MYPN: variants seen among roughly 807,000 people sequenced by gnomAD.
MYPN encodes sarcomeric protein myopalladin, 145 kDa (MYOP).
Under a neutral mutation model 129.4 loss-of-function variants are expected in MYPN, and 63 were observed. The ratio of observed to expected loss-of-function variants is 0.49; its 90% CI spans 0.40 to 0.60. The LOEUF (loss-of-function observed/expected upper bound fraction) is 0.60. Among genes scored for constraint, MYPN ranks in the 20% least tolerant of loss-of-function variants. The pLI, the probability that MYPN is intolerant of heterozygous loss-of-function variation, is 0.00. For missense variants in MYPN, 1,596 were observed against 1,635.4 expected (o/e 0.98, Z 0.42); for synonymous variants, 629 against 600.9 (o/e 1.05, Z -0.68).
At chr10:68,150,480 A>G (rs2042750789) in intron 6 of MYPN, among the ~76,000 whole-genome samples, 1 of 152,158 alleles carries the variant, frequency 6.6e-6, no homozygotes. Context: ...GCTCAAGGAG[A>G]TGGAGTTAAA....
chr10:68,190,211 A>G (rs1025179180), intron 13 of MYPN, among the ~76,000 whole-genome samples: 2 of 151,944 alleles, frequency 1.3e-5, no homozygotes, highest in African/African-American at 4.8e-5. Context: ...GTGTGAGACA[A>G]AGTCTCACTC....
At chr10:68,128,461 C>T (rs1453366051) in intron 2 of MYPN, among the ~76,000 whole-genome samples, 2 of 152,118 alleles carry the variant, frequency 1.3e-5, no homozygotes, top group African/African-American at 4.8e-5. Flanking sequence ...TATTTAGAGG[C>T]TTTTTCTTTC....
At chr10:68,180,227 G>A (rs997031963) in intron 12 of MYPN, among the ~76,000 whole-genome samples, 2 of 152,190 alleles carry the variant, frequency 1.3e-5, no homozygotes, top group African/African-American at 4.8e-5. Context: ...CACCCAGGCT[G>A]GAGTGCAGAA....
intron 1 of MYPN, among the ~76,000 whole-genome samples, chr10:68,119,725 A>G (rs1020844800): frequency 1.3e-5 from 2 of 152,128 alleles, no homozygotes; most frequent in African/African-American, 4.8e-5. Context: ...TTTGCATTTT[A>G]AATTAATCTT....
chr10:68,182,370 T>A (rs980673209), intron 12 of MYPN, among the ~76,000 whole-genome samples: 6 of 119,588 alleles, frequency 5.0e-5, no homozygotes, highest in African/African-American at 1.8e-4. Context: ...CACATATATA[T>A]AACATATATA....
chr10:68,137,100 T>C (rs1564655788), intron 2 of MYPN, among the ~76,000 whole-genome samples: 1 of 152,128 alleles, frequency 6.6e-6, no homozygotes, highest in Admixed American at 6.6e-5. Flanking sequence ...CATTTTTAAG[T>C]AGTAATAATA....
At chr10:68,148,257 A>G (rs746397046) in intron 4 of MYPN, 96 bp from the exon 5 acceptor site, 26 of 979,196 alleles carry the variant, frequency 2.7e-5, no homozygotes, top group Non-Finnish European at 4.0e-5. Context: ...TATTACACTC[A>G]CCTGTAAGCA....
chr10:68,131,733 G>T (rs1374357755), intron 2 of MYPN, among the ~76,000 whole-genome samples: 1 of 151,832 alleles, frequency 6.6e-6, no homozygotes. Flanking sequence ...CTTTTCTCTG[G>T]GTCTTACAAA....
At chr10:68,118,429 G>A (rs2042189074) in intron 1 of MYPN, among the ~76,000 whole-genome samples, 1 of 152,162 alleles carries the variant, frequency 6.6e-6, no homozygotes, top group South Asian at 2.1e-4. Flanking sequence ...ACGAGATGAA[G>A]CAGAATTTGG....
intron 6 of MYPN, 84 bp from the exon 7 acceptor site, chr10:68,158,402 A>C: frequency 7.5e-7 from 1 of 1,335,738 alleles, no homozygotes; most frequent in Non-Finnish European, 1.1e-6. Context: ...TGGAGACGGC[A>C]TCTTTTTCTA....
chr10:68,197,586 G>T, intron 16 of MYPN, 108 bp downstream of exon 16: 2 of 1,373,896 alleles, frequency 1.5e-6, no homozygotes, highest in Non-Finnish European at 2.0e-6. Context: ...CAGGAAAGAT[G>T]AGATGGGGAA....
intron 1 of MYPN, among the ~76,000 whole-genome samples, chr10:68,117,059 A>G (rs1013891392): frequency 3.9e-5 from 6 of 151,924 alleles, no homozygotes; most frequent in Admixed American, 3.9e-4. Context: ...CCCTGTCTCT[A>G]CTAAAAATAC....
intron 2 of MYPN, 34 bp downstream of exon 2, chr10:68,122,374 T>C: frequency 6.2e-7 from 1 of 1,604,038 alleles, no homozygotes; most frequent in Non-Finnish European, 8.5e-7. Flanking sequence ...CTGAGTAATG[T>C]TGCTTTCCAT....
At chr10:68,175,275 C>A (rs763452517) in intron 11 of MYPN, 48 bp from the exon 12 acceptor site, 3 of 1,610,708 alleles carry the variant, frequency 1.9e-6, no homozygotes, top group Non-Finnish European at 2.5e-6. Context: ...CCTTTTTACC[C>A]TGGCCAGTGC....
At chr10:68,182,664 G>A (rs1247746401) in intron 12 of MYPN, among the ~76,000 whole-genome samples, 2 of 151,588 alleles carry the variant, frequency 1.3e-5, no homozygotes, top group African/African-American at 2.4e-5. Context: ...TCGCCACCAT[G>A]CCTGGCTACT....
intron 2 of MYPN, among the ~76,000 whole-genome samples, chr10:68,135,090 T>C (rs1383583894): frequency 6.6e-6 from 1 of 151,878 alleles, no homozygotes; most frequent in Non-Finnish European, 1.5e-5. Context: ...TAGCTGGGAT[T>C]ACAGGCACGC....
intron 12 of MYPN, among the ~76,000 whole-genome samples, chr10:68,178,222 A>G (rs1461231843): frequency 2.6e-5 from 4 of 152,174 alleles, no homozygotes; most frequent in Admixed American, 2.6e-4. Flanking sequence ...TATTTATTAA[A>G]ATTTTTAGCT....
chr10:68,136,130 G>A (rs2042483754), intron 2 of MYPN: 3 of 618,456 alleles, frequency 4.9e-6, no homozygotes, highest in Non-Finnish European at 6.1e-6. Flanking sequence ...TAACCTCACA[G>A]CAGAATGGTG....
At chr10:68,136,679 C>T (rs2042492229) in intron 2 of MYPN, 9 of 1,535,308 alleles carry the variant, frequency 5.9e-6, no homozygotes, top group Non-Finnish European at 7.0e-6. Context: ...AATCATTCCA[C>T]TTATCTCCTT....
Sources: gnomAD v4.1 joint callset for allele counts (sites outside exome capture counted in the v4.1 genomes callset) on GRCh38, gnomAD v4.1.1 for gene constraint, MANE v1.5 for transcripts, NCBI Gene and HGNC (gene_info 2026-07-23, HGNC 2026-07-21) for gene names.